The following CMTM3 variants were observed in gnomAD, a reference collection of about 807,000 sequenced individuals.
The protein encoded by CMTM3 is CKLF-like MARVEL transmembrane domain-containing protein 3.
In CMTM3, 7 loss-of-function variants were observed where a neutral mutation model predicts 18.2. The ratio of observed to expected loss-of-function variants is 0.38; its 90% CI spans 0.22 to 0.72. The LOEUF is 0.72. CMTM3 is among the 30% of genes least tolerant of loss of function. CMTM3 has a pLI of 0.46. For synonymous variants in CMTM3, 109 were observed against 111.2 expected (o/e 0.98, Z 0.12); for missense variants, 227 against 249.2 (o/e 0.91, Z 0.60).
chr16:66,609,352 G>C lies in CMTM3; in HGVS notation c.304-83G>C. ...CCCTCAGGTGCTAGGCCTGGGGCTG[G>C]GAACACGACCAGGCTGCCAGGCCTC... is the stretch of plus-strand genomic sequence containing the variant. On this transcript the variant is annotated intron_variant, in intron 2 of 4. Coordinates refer to ENST00000567572, the MANE Select transcript of CMTM3 (RefSeq NM_181553.4). This position sits in a 1 kb window ranked among gnomAD's most constrained non-coding sequence, Gnocchi z 4.4. 8.0e-7 allele frequency: 1 copy of C among 1,245,528 alleles called. No individual in the cohort carries two copies. The highest frequency in any genetic ancestry group is 2.4e-5 in the East Asian group (1 of 41,826). The allele number at this position is 1,245,528 out of a possible 1,614,324, so 77.2% of individuals were successfully genotyped here.
Position 66,608,558 on chromosome 16 carries a change from T to C in CMTM3, c.303+94T>C. The C allele has an allele frequency of 6.2e-6, 8 of 1,293,476 alleles. No homozygotes were observed. Among genetic ancestry groups the C allele is most frequent in the South Asian group, 1.3e-5 (1 of 76,776 alleles). 80.1% of individuals were successfully genotyped at this position (1,293,476 alleles called of 1,614,324 possible). On this transcript the variant is annotated intron_variant, in intron 2 of 4. Transcript: ENST00000567572. This position sits in a 1 kb window ranked among gnomAD's most constrained non-coding sequence, Gnocchi z 5.1. The stretch of plus-strand genomic sequence containing the variant: ...TGCACTTGGGCCCTTATCCTTTCTC[T>C]AGTGTGCTGGAGTTTGCAGTTGGTT...
In CMTM3 at chr16:66,612,082, C is replaced by T. The variant is rs1407612526; in HGVS notation, c.521-527C>T. On this transcript the variant is annotated intron_variant, in intron 4 of 4. Transcript: ENST00000567572. This position sits in a 1 kb window ranked among gnomAD's most constrained non-coding sequence, Gnocchi z 6.0. Reference sequence around the variant, plus strand: ...CTGGGCTTCAGTCTTGGGGTGGAAACACCCCCACCTGCACCCGCACCCACA... The same window carrying T: ...CTGGGCTTCAGTCTTGGGGTGGAAATACCCCCACCTGCACCCGCACCCACA... 6.6e-6 allele frequency among the ~76,000 whole-genome samples: 1 copy of T among 152,138 alleles called. No individual in the cohort carries two copies. Among genetic ancestry groups the T allele is most frequent in the African/African-American group, 2.4e-5 (1 of 41,434 alleles).
Position 66,610,080 on chromosome 16 carries a change from G to A in CMTM3, c.520+77G>A, listed in dbSNP as rs1156293901. On this transcript the variant is annotated intron_variant, in intron 4 of 4. Coordinates refer to ENST00000567572, the MANE Select transcript of CMTM3 (RefSeq NM_181553.4). The surrounding 1 kb of genome is among the most constrained non-coding windows in gnomAD (Gnocchi z 4.6). ...CCCTCGGGGATGCCAGCTAGTTTGA[G>A]GCTGGGGTGGGATCATTTCCTCTCT... 2.6e-6 allele frequency: 4 copies of A among 1,566,476 alleles called. No homozygotes were observed. Among genetic ancestry groups the A allele is most frequent in the Non-Finnish European group, 3.5e-6 (4 of 1,147,566 alleles).
Position 66,605,049 on chromosome 16 carries a change from G to T in CMTM3, c.147+97G>T, listed in dbSNP as rs569455376. The T allele has an allele frequency of 2.7e-6, 3 of 1,126,472 alleles. No homozygotes were observed. In the Admixed American group the frequency reaches 1.3e-4, roughly 48 times the overall value. 69.8% of individuals were successfully genotyped at this position (1,126,472 alleles called of 1,614,324 possible). A position where few individuals can be genotyped will look rare whatever the true frequency, so the allele number is the denominator to read the frequency against. ...CGGGTGGGGTCCGGGGGCGGCCGCCGTGCTCCGATACCCCCTCTCCGCGCC... is the reference window on the plus strand; with the variant it reads ...CGGGTGGGGTCCGGGGGCGGCCGCCTTGCTCCGATACCCCCTCTCCGCGCC... On this transcript the variant is annotated intron_variant, in intron 1 of 4. Transcript: ENST00000567572. The surrounding 1 kb of genome is among the most constrained non-coding windows in gnomAD (Gnocchi z 4.6).
Position 66,612,536 on chromosome 16 carries a change from C to T in CMTM3, c.521-73C>T. ...GGCTCCTGCCAGCAACCCAGCTGTG[C>T]TTCCCCAGAGACCGTTCCCAGGCAC... On this transcript the variant is annotated intron_variant, in intron 4 of 4. Coordinates refer to ENST00000567572, the MANE Select transcript of CMTM3 (RefSeq NM_181553.4). This position sits in a 1 kb window ranked among gnomAD's most constrained non-coding sequence, Gnocchi z 6.0. 1 of 1,522,194 alleles carries T rather than the reference C, an allele frequency of 6.6e-7. No individual in the cohort carries two copies. The highest frequency in any genetic ancestry group is 9.1e-7 in the Non-Finnish European group (1 of 1,104,618). The allele number at this position is 1,522,194 out of a possible 1,614,324, so 94.3% of individuals were successfully genotyped here.
Position 66,605,878 on chromosome 16 carries a change from C to T in CMTM3, c.147+926C>T, listed in dbSNP as rs935174550. On this transcript the variant is annotated intron_variant, in intron 1 of 4. Coordinates refer to ENST00000567572, the MANE Select transcript of CMTM3 (RefSeq NM_181553.4). This position sits in a 1 kb window ranked among gnomAD's most constrained non-coding sequence, Gnocchi z 4.6. ...GAAGGTGGTCCTGCAGCCTCTCCCA[C>T]GGTCAGCCCAGAGGCCACCTGCCCA... is the stretch of plus-strand genomic sequence containing the variant. 3.9e-5 allele frequency among the ~76,000 whole-genome samples: 6 copies of T among 152,086 alleles called. No homozygotes were observed. Among genetic ancestry groups the T allele is most frequent in the Non-Finnish European group, 8.8e-5 (6 of 68,002 alleles).
In CMTM3 at chr16:66,612,918, C is replaced by CA. The variant is rs2015436842; in HGVS notation, c.*286dup. 1.6e-6 allele frequency: 1 copy of CA among 623,866 alleles called. No homozygotes were observed. The highest frequency in any genetic ancestry group is 2.9e-6 in the Non-Finnish European group (1 of 347,322). The allele number at this position is 623,866 out of a possible 1,614,324, so 38.6% of individuals were successfully genotyped here. ...GCCTTCAGCCCTTTAACGTCTCTGCCAAAAACCAGCACAAGGAGACAAAGC... is the reference window on the plus strand; with the variant it reads ...GCCTTCAGCCCTTTAACGTCTCTGCCAAAAAACCAGCACAAGGAGACAAAGC... On this transcript the variant is annotated 3_prime_UTR_variant, in exon 5 of 5. Coordinates refer to ENST00000567572, the MANE Select transcript of CMTM3 (RefSeq NM_181553.4). This position sits in a 1 kb window ranked among gnomAD's most constrained non-coding sequence, Gnocchi z 6.0.
chr16:66,612,698 G>A lies in CMTM3; in HGVS notation c.*61G>A. The A allele has an allele frequency of 6.4e-7, 1 of 1,560,298 alleles. No homozygotes were observed. The highest frequency in any genetic ancestry group is 8.8e-7 in the Non-Finnish European group (1 of 1,133,886). ...AGGCCTCCACCCCTGCGCCTCACAG[G>A]GGTCGCTGGCGTTGGAGCGGAGGCC... On this transcript the variant is annotated 3_prime_UTR_variant, in exon 5 of 5. Coordinates refer to ENST00000567572, the MANE Select transcript of CMTM3 (RefSeq NM_181553.4). The surrounding 1 kb of genome is among the most constrained non-coding windows in gnomAD (Gnocchi z 6.0).
Position 66,609,014 on chromosome 16 carries a change from C to T in CMTM3, c.304-421C>T, listed in dbSNP as rs1468786128. Among the ~76,000 whole-genome samples, 2 of 152,222 alleles carry T rather than the reference C, an allele frequency of 1.3e-5. No individual in the cohort carries two copies. Among genetic ancestry groups the T allele is most frequent in the East Asian group, 3.8e-4 (2 of 5,198 alleles). Reference sequence around the variant, plus strand: ...AGGGCTGCACCCTCTGTGTCCCCATCTTAGGGACGGATAAGCAGAAACTGT... The same window carrying T: ...AGGGCTGCACCCTCTGTGTCCCCATTTTAGGGACGGATAAGCAGAAACTGT... On this transcript the variant is annotated intron_variant, in intron 2 of 4. Transcript: ENST00000567572. The surrounding 1 kb of genome is among the most constrained non-coding windows in gnomAD (Gnocchi z 4.4).
At chr16:66,606,849 T>A (rs945433620) in intron 1 of CMTM3, among the ~76,000 whole-genome samples, 5 of 152,126 alleles carry the variant, frequency 3.3e-5, no homozygotes, top group Non-Finnish European at 5.9e-5. Context: ...AAAAATTAGC[T>A]GGGTTTGGTG....
intron 4 of CMTM3, among the ~76,000 whole-genome samples, chr16:66,611,266 A>G (rs1332366600): frequency 6.6e-6 from 1 of 152,160 alleles, no homozygotes; most frequent in Non-Finnish European, 1.5e-5. Flanking sequence ...CAGCCTGGCC[A>G]ACACGGTGAA....
At position 66,605,192 on chromosome 16, in the gene CMTM3, C is replaced by T. The variant is rs907654152; in HGVS notation, c.147+240C>T. The T allele has an allele frequency of 5.1e-6, 2 of 388,624 alleles. No individual in the cohort carries two copies. The highest frequency in any genetic ancestry group is 9.2e-6 in the Non-Finnish European group (2 of 218,064). The allele number at this position is 388,624 out of a possible 1,614,324, so 24.1% of individuals were successfully genotyped here. A position where few individuals can be genotyped will look rare whatever the true frequency, so the allele number is the denominator to read the frequency against. ...CGGCGCTGTCCCCGCGAGTCCAGAGCTGGGGGCCGTGGGAAGTGGGTGGGG... is the reference window on the plus strand; with the variant it reads ...CGGCGCTGTCCCCGCGAGTCCAGAGTTGGGGGCCGTGGGAAGTGGGTGGGG... On this transcript the variant is annotated intron_variant, in intron 1 of 4. Transcript: ENST00000567572. This position sits in a 1 kb window ranked among gnomAD's most constrained non-coding sequence, Gnocchi z 4.6.
intron 4 of CMTM3, among the ~76,000 whole-genome samples, chr16:66,611,925 T>C (rs935048044): frequency 6.6e-6 from 1 of 151,474 alleles, no homozygotes; most frequent in African/African-American, 2.4e-5. Context: ...GACAAGAAAA[T>C]AGCTGTCCTC....
In CMTM3 at chr16:66,613,843, A is replaced by C. The variant is rs1261319707; in HGVS notation, c.*1206A>C. 1 of 152,248 alleles carries C rather than the reference A, an allele frequency of 6.6e-6. No individual in the cohort carries two copies. Among genetic ancestry groups the C allele is most frequent in the Non-Finnish European group, 1.5e-5 (1 of 68,050 alleles). The allele number at this position is 152,248 out of a possible 1,614,324, so 9.4% of individuals were successfully genotyped here. ...ACTGGTAACACCAATGTGGATCCTGACAGCTTTCAGTTTTAGCAAAAATAC... is the reference window on the plus strand; with the variant it reads ...ACTGGTAACACCAATGTGGATCCTGCCAGCTTTCAGTTTTAGCAAAAATAC... On this transcript the variant is annotated 3_prime_UTR_variant, in exon 5 of 5. Coordinates refer to ENST00000567572, the MANE Select transcript of CMTM3 (RefSeq NM_181553.4).
At chr16:66,612,000 C>A (rs551771554) in intron 4 of CMTM3, among the ~76,000 whole-genome samples, 2 of 152,262 alleles carry the variant, frequency 1.3e-5, no homozygotes, top group African/African-American at 4.8e-5. Flanking sequence ...CCCTGACCCA[C>A]CCAGCTGAGA....
chr16:66,612,251 C>T lies in CMTM3; in HGVS notation c.521-358C>T, dbSNP rs901562641. On this transcript the variant is annotated intron_variant, in intron 4 of 4. Coordinates refer to ENST00000567572, the MANE Select transcript of CMTM3 (RefSeq NM_181553.4). The surrounding 1 kb of genome is among the most constrained non-coding windows in gnomAD (Gnocchi z 6.0). ...TGAAAGCCCATCTCTACTAAAAGTA[C>T]AAAAATTAGCCAGGTGTGGTGGCAC... 6.6e-6 allele frequency among the ~76,000 whole-genome samples: 1 copy of T among 152,114 alleles called. No individual in the cohort carries two copies. Among genetic ancestry groups the T allele is most frequent in the South Asian group, 2.1e-4 (1 of 4,824 alleles).
rs1016417493 is a variant in CMTM3 at position 66,604,995 on chromosome 16, G to A, written c.147+43G>A. 8.5e-6 allele frequency: 12 copies of A among 1,415,660 alleles called. No individual in the cohort carries two copies. In the South Asian group the frequency reaches 1.2e-4, roughly 14 times the overall value. The allele number at this position is 1,415,660 out of a possible 1,614,324, so 87.7% of individuals were successfully genotyped here. On this transcript the variant is annotated intron_variant, in intron 1 of 4. Coordinates refer to ENST00000567572, the MANE Select transcript of CMTM3 (RefSeq NM_181553.4). Reference sequence around the variant, plus strand: ...CTCGGCCGCCCCGCTAGGACTGCGCGGCTCCTTTCGGAGGAGGACGTCGGG... The same window carrying A: ...CTCGGCCGCCCCGCTAGGACTGCGCAGCTCCTTTCGGAGGAGGACGTCGGG...
chr16:66,606,482 G>A (rs1344795477), intron 1 of CMTM3, among the ~76,000 whole-genome samples: 1 of 151,976 alleles, frequency 6.6e-6, no homozygotes, highest in Non-Finnish European at 1.5e-5. Context: ...AAGGCCATGT[G>A]CAGAGCAAAT....
chr16:66,609,270 AC>A lies in CMTM3; in HGVS notation c.304-163del, dbSNP rs577832345. On this transcript the variant is annotated intron_variant, in intron 2 of 4. Transcript: ENST00000567572. The surrounding 1 kb of genome is among the most constrained non-coding windows in gnomAD (Gnocchi z 4.4). ...CAGCTGCTGGCAAGGCAGCAGAGGC[AC>A]CTCGGGGGTGGGACAAGGGCCTAGG... The A allele has an allele frequency of 1.4e-4, 87 of 616,822 alleles. No individual in the cohort carries two copies. In the African/African-American group the frequency reaches 1.5e-3, roughly 11 times the overall value. 38.2% of individuals were successfully genotyped at this position (616,822 alleles called of 1,614,324 possible).
Sources: gnomAD v4.1 joint callset for allele counts (sites outside exome capture counted in the v4.1 genomes callset) on GRCh38, gnomAD v4.1.1 for gene constraint, Gnocchi (gnomAD v3.1) non-coding constraint, MANE v1.5 for transcripts, NCBI Gene and HGNC (gene_info 2026-07-23, HGNC 2026-07-21) for gene names.